FSTL4: variants seen among roughly 807,000 people sequenced by gnomAD.
FSTL4 encodes the protein follistatin-related protein 4.
FSTL4 carries 28 observed loss-of-function variants against 78.2 expected under a neutral mutation model. That is an observed-to-expected ratio of 0.36 (90% CI 0.27 to 0.49). FSTL4 has a LOEUF of 0.49. Among genes scored for constraint, FSTL4 ranks in the 20% least tolerant of loss-of-function variants. The pLI is 0.98. For synonymous variants in FSTL4, 422 were observed against 440.5 expected (o/e 0.96, Z 0.53); for missense variants, 922 against 1,084.9 (o/e 0.85, Z 2.11).
At chr5:133,683,329 A>G in the FSTL4 span, among the ~76,000 whole-genome samples, 8 of 152,252 alleles carry the variant, frequency 5.3e-5, no homozygotes, top group African/African-American at 1.9e-4. Context: ...TTTATCTTCA[A>G]TGTTTGGCAT....
the FSTL4 span, among the ~76,000 whole-genome samples, chr5:133,739,904 T>G: frequency 6.6e-6 from 1 of 151,740 alleles, no homozygotes; most frequent in Non-Finnish European, 1.5e-5. Flanking sequence ...TCTTTTTTTT[T>G]TTTTTTTTGA....
chr5:133,698,187 C>T, the FSTL4 span, among the ~76,000 whole-genome samples: 196 of 151,762 alleles, frequency 1.3e-3, no homozygotes, highest in Middle Eastern at 3.4e-3. Flanking sequence ...ACACCCTGCT[C>T]GCGTCGAAAA....
chr5:133,645,046 G>A, the FSTL4 span, among the ~76,000 whole-genome samples: 30 of 151,952 alleles, frequency 2.0e-4, 1 homozygote, highest in African/African-American at 5.5e-4. Context: ...ACTTCCCACC[G>A]GAGACCTCAT....
intron 2 of FSTL4, chr5:133,574,785 T>A (rs772782429): frequency 2.0e-5 from 3 of 152,244 alleles, no homozygotes; most frequent in Non-Finnish European, 2.9e-5. Context: ...TGTAGCTGAA[T>A]CTCATTGTCA....
chr5:133,749,370 A>G, the FSTL4 span, among the ~76,000 whole-genome samples: 1 of 152,200 alleles, frequency 6.6e-6, no homozygotes, highest in East Asian at 1.9e-4. Flanking sequence ...AGTGCCACCA[A>G]CCAGCCTATT....
At chr5:133,781,366 TGTGTGTGTGTG>T in the FSTL4 span, among the ~76,000 whole-genome samples, 1 of 472 alleles carries the variant, frequency 2.1e-3, no homozygotes, top group East Asian at 0.071. Context: ...GTTAAGCGGT[TGTGTGTGTGTG>T]TGTGTGTGTG....
At chr5:133,328,463 T>C (rs1296362231) in intron 4 of FSTL4, among the ~76,000 whole-genome samples, 2 of 152,234 alleles carry the variant, frequency 1.3e-5, no homozygotes, top group Admixed American at 6.5e-5. Flanking sequence ...ATATACTTTT[T>C]ATGGTTGACT....
intron 2 of FSTL4, among the ~76,000 whole-genome samples, chr5:133,579,922 T>C (rs1265914572): frequency 1.3e-5 from 2 of 152,246 alleles, no homozygotes; most frequent in Non-Finnish European, 2.9e-5. Flanking sequence ...TTGATCAGGC[T>C]GGAGCCTCTG....
At chr5:133,610,818 G>C (rs758353281) in intron 1 of FSTL4, among the ~76,000 whole-genome samples, 30 of 152,188 alleles carry the variant, frequency 2.0e-4, no homozygotes, top group Non-Finnish European at 4.3e-4. Context: ...AAATAACTTA[G>C]GACTTTCAAG....
intron 2 of FSTL4, among the ~76,000 whole-genome samples, chr5:133,569,069 TG>T (rs1474343430): frequency 6.6e-6 from 1 of 152,202 alleles, no homozygotes; most frequent in African/African-American, 2.4e-5. Context: ...AGCTGATTTT[TG>T]TTTGTATATT....
At chr5:133,218,721 G>A (rs1398856984) in intron 12 of FSTL4, among the ~76,000 whole-genome samples, 1 of 152,112 alleles carries the variant, frequency 6.6e-6, no homozygotes, top group African/African-American at 2.4e-5. Context: ...TCAGGTCTCT[G>A]CTTAGTATCA....
chr5:133,245,845 A>G (rs1752025210), intron 7 of FSTL4, among the ~76,000 whole-genome samples: 1 of 152,178 alleles, frequency 6.6e-6, no homozygotes, highest in Non-Finnish European at 1.5e-5. Flanking sequence ...CTGATCAAAT[A>G]TTATTCTGAT....
At chr5:133,813,677 C>G in the FSTL4 span, among the ~76,000 whole-genome samples, 1 of 152,212 alleles carries the variant, frequency 6.6e-6, no homozygotes, top group African/African-American at 2.4e-5. Context: ...GCAATACTTT[C>G]CTTTGGCATG....
intron 6 of FSTL4, among the ~76,000 whole-genome samples, chr5:133,267,029 G>A (rs554450016): frequency 6.6e-6 from 1 of 152,328 alleles, no homozygotes; most frequent in East Asian, 1.9e-4. Flanking sequence ...CCTGCCAGTT[G>A]GGCAGGGTGG....
intron 3 of FSTL4, among the ~76,000 whole-genome samples, chr5:133,438,948 G>A (rs920820058): frequency 1.3e-5 from 2 of 152,242 alleles, no homozygotes; most frequent in South Asian, 4.1e-4. Context: ...AACCTCACGC[G>A]CCTTTGATTC....
chr5:133,252,358 T>C (rs908950836), intron 6 of FSTL4: 1 of 152,154 alleles, frequency 6.6e-6, no homozygotes, highest in African/African-American at 2.4e-5. Flanking sequence ...AGAGATCCGC[T>C]TCTCAGGTGC....
chr5:133,339,209 T>TG (rs1754533752), intron 4 of FSTL4, among the ~76,000 whole-genome samples: 1 of 152,112 alleles, frequency 6.6e-6, no homozygotes, highest in Non-Finnish European at 1.5e-5. Flanking sequence ...TTCAGATCGG[T>TG]GGGGCTGTGC....
At chr5:133,268,338 A>C (rs961045602) in intron 6 of FSTL4, among the ~76,000 whole-genome samples, 1 of 152,108 alleles carries the variant, frequency 6.6e-6, no homozygotes, top group Non-Finnish European at 1.5e-5. Context: ...CCCACACCAC[A>C]TGATGGAGAA....
intron 3 of FSTL4, among the ~76,000 whole-genome samples, chr5:133,545,915 T>C (rs183498214): frequency 1.3e-5 from 2 of 152,240 alleles, no homozygotes; most frequent in Admixed American, 6.5e-5. Flanking sequence ...AGGTCTCAAA[T>C]GGAACTGAAG....
Sources: allele counts gnomAD v4.1 joint callset (sites outside exome capture counted in the v4.1 genomes callset), GRCh38; gene constraint gnomAD v4.1.1; transcripts MANE v1.5; gene names NCBI Gene and HGNC (gene_info 2026-07-23, HGNC 2026-07-21).